The following BACH2 variants were observed in gnomAD, a reference collection of about 807,000 sequenced individuals.
BACH2 encodes the protein transcription regulator protein BACH2.
Under a neutral mutation model 61.8 loss-of-function variants are expected in BACH2, and 5 were observed. The ratio of observed to expected loss-of-function variants is 0.08; its 90% CI spans 0.04 to 0.17. BACH2 has a LOEUF of 0.17. Ranked by LOEUF, BACH2 falls within the 10% of genes least tolerant of loss-of-function variation. BACH2 has a pLI of 1.00. For missense variants in BACH2, 824 were observed against 1,091.1 expected, an observed-to-expected ratio of 0.76 and a Z score of 3.45; for synonymous variants, 446 against 440.1, an observed-to-expected ratio of 1.01 and a Z score of -0.17.
chr6:90,060,959 T>A (rs1408863694), intron 5 of BACH2, among the ~76,000 whole-genome samples: 1 of 152,144 alleles, frequency 6.6e-6, no homozygotes, highest in Admixed American at 6.6e-5. Context: ...CTACTTGTAT[T>A]TTTTTTCTTA....
At chr6:90,179,730 A>G (rs941218823) in intron 4 of BACH2, among the ~76,000 whole-genome samples, 2 of 152,248 alleles carry the variant, frequency 1.3e-5, no homozygotes, top group African/African-American at 2.4e-5. Context: ...AATCTAAGGT[A>G]TTATGATTAA....
chr6:89,992,489 A>T (rs968079316), intron 6 of BACH2, among the ~76,000 whole-genome samples: 5 of 152,118 alleles, frequency 3.3e-5, no homozygotes, highest in African/African-American at 1.2e-4. Flanking sequence ...AAAAGTACAA[A>T]ATTAGCTGGG....
chr6:90,181,502 T>C (rs547392417), intron 4 of BACH2, among the ~76,000 whole-genome samples: 2 of 152,268 alleles, frequency 1.3e-5, no homozygotes, highest in African/African-American at 4.8e-5. Flanking sequence ...GTGTATATGC[T>C]ATTATCACAT....
intron 4 of BACH2, among the ~76,000 whole-genome samples, chr6:90,124,965 C>T (rs890703393): frequency 2.0e-5 from 3 of 151,948 alleles, no homozygotes; most frequent in Non-Finnish European, 2.9e-5. Flanking sequence ...TTAAAAATGA[C>T]ACTTCATTGA....
chr6:90,205,319 C>A lies in BACH2; in HGVS notation c.-162+1250G>T, dbSNP rs115216609. The stretch of plus-strand genomic sequence containing the variant: ...CACCTGTTTTTGTAGGCTCCGGAAA[C>A]AACTCTCCCCTGTTTTAAATCCTTC... On this transcript the variant is annotated intron_variant, in intron 4 of 8. Coordinates refer to ENST00000257749, the MANE Select transcript of BACH2 (RefSeq NM_021813.4). Among the ~76,000 whole-genome samples, 1,369 of 152,326 alleles carry A rather than the reference C, an allele frequency of 9.0e-3. 16 individuals are homozygous for A. Among genetic ancestry groups the A allele is most frequent in the African/African-American group, 0.03 (1,265 of 41,572 alleles).
At chr6:90,143,934 T>C (rs1410152247) in intron 4 of BACH2, among the ~76,000 whole-genome samples, 1 of 151,910 alleles carries the variant, frequency 6.6e-6, no homozygotes, top group African/African-American at 2.4e-5. Flanking sequence ...TTACTATATA[T>C]GTTATAGAAC....
intron 6 of BACH2, among the ~76,000 whole-genome samples, chr6:90,003,872 C>T (rs558965756): frequency 6.6e-6 from 1 of 152,348 alleles, no homozygotes; most frequent in South Asian, 2.1e-4. Flanking sequence ...TTGCCCTTCT[C>T]ATCCTGGTCA....
At chr6:90,061,250 A>G (rs1160586305) in intron 5 of BACH2, among the ~76,000 whole-genome samples, 1 of 152,196 alleles carries the variant, frequency 6.6e-6, no homozygotes, top group East Asian at 1.9e-4. Context: ...GGAGACAGAA[A>G]GAGGTGAAAT....
At chr6:90,198,201 T>C (rs1419225314) in intron 4 of BACH2, among the ~76,000 whole-genome samples, 2 of 152,226 alleles carry the variant, frequency 1.3e-5, no homozygotes, top group Admixed American at 6.5e-5. Context: ...GGCTTGCACC[T>C]GTGGCTCATC....
chr6:90,294,708 G>T (rs1772283358), intron 1 of BACH2, among the ~76,000 whole-genome samples: 1 of 152,214 alleles, frequency 6.6e-6, no homozygotes, highest in Middle Eastern at 3.4e-3. Flanking sequence ...AACCAGGGTG[G>T]GGCGATCTCA....
chr6:90,107,603 A>C (rs1782979654), intron 4 of BACH2, among the ~76,000 whole-genome samples: 1 of 150,502 alleles, frequency 6.6e-6, no homozygotes. Flanking sequence ...CAGAAATGAA[A>C]CCCCCAAGGA....
chr6:89,972,373 A>G (rs1375096514), intron 6 of BACH2, among the ~76,000 whole-genome samples: 1 of 152,160 alleles, frequency 6.6e-6, no homozygotes, highest in Non-Finnish European at 1.5e-5. Context: ...CAGATGAGAG[A>G]GGCCATTAGG....
At chr6:90,116,993 C>A in intron 4 of BACH2, 1 of 371,046 alleles carries the variant, frequency 2.7e-6, no homozygotes, top group South Asian at 3.6e-5. Context: ...CCTTCTTTCT[C>A]TGGCACAGAT....
At chr6:90,198,138 G>A (rs975337976) in intron 4 of BACH2, among the ~76,000 whole-genome samples, 1 of 152,132 alleles carries the variant, frequency 6.6e-6, no homozygotes, top group African/African-American at 2.4e-5. Context: ...GCTTGACTCG[G>A]AGCCACTATT....
intron 6 of BACH2, among the ~76,000 whole-genome samples, chr6:89,954,185 C>A (rs929651514): frequency 6.6e-6 from 1 of 152,104 alleles, no homozygotes; most frequent in Non-Finnish European, 1.5e-5. Flanking sequence ...CTGTAATGTG[C>A]CAGTTGCCAA....
chr6:90,208,941 A>G (rs981880763), intron 3 of BACH2, among the ~76,000 whole-genome samples: 2 of 151,964 alleles, frequency 1.3e-5, no homozygotes, highest in Non-Finnish European at 2.9e-5. Flanking sequence ...TTCTCAGCAA[A>G]GTAACACAAG....
chr6:90,282,052 T>C (rs772766486), intron 1 of BACH2, among the ~76,000 whole-genome samples: 3 of 152,196 alleles, frequency 2.0e-5, no homozygotes, highest in Non-Finnish European at 4.4e-5. Context: ...AGTGTATAAA[T>C]ACCTCACAGC....
chr6:90,268,066 T>C (rs1363036473), intron 2 of BACH2, among the ~76,000 whole-genome samples: 2 of 150,804 alleles, frequency 1.3e-5, no homozygotes, highest in South Asian at 2.1e-4. Context: ...TAGAGTGCAG[T>C]GCCATGATCT....
intron 2 of BACH2, among the ~76,000 whole-genome samples, chr6:90,270,466 CT>C (rs2127880824): frequency 6.6e-6 from 1 of 152,248 alleles, no homozygotes; most frequent in East Asian, 1.9e-4. Context: ...AATTAAATCC[CT>C]TTTACAACAG....
Sources: gnomAD v4.1 joint callset for allele counts (sites outside exome capture counted in the v4.1 genomes callset) on GRCh38, gnomAD v4.1.1 for gene constraint, MANE v1.5 for transcripts, NCBI Gene and HGNC (gene_info 2026-07-23, HGNC 2026-07-21) for gene names.